Variants in SULT2B1 observed in about 807,000 individuals in gnomAD.
SULT2B1 encodes the protein sulfotransferase family 2B member 1.
Under a neutral mutation model 33.2 loss-of-function variants are expected in SULT2B1, and 16 were observed. That is an observed-to-expected ratio of 0.48 (90% CI 0.33 to 0.73). SULT2B1 has a LOEUF of 0.73. Ranked by LOEUF, SULT2B1 falls within the 30% of genes least tolerant of loss-of-function variation. The pLI, the probability that SULT2B1 is intolerant of heterozygous loss-of-function variation, is 0.02. For synonymous variants in SULT2B1, 186 were observed against 200.5 expected (o/e 0.93, Z 0.61); for missense variants, 500 against 506.0 (o/e 0.99, Z 0.11).
intron 6 of SULT2B1, among the ~76,000 whole-genome samples, 199 bp downstream of exon 6, chr19:48,597,118 A>C (rs1973728609): frequency 6.6e-6 from 1 of 152,134 alleles, no homozygotes. Context: ...AGGCGTCCCC[A>C]TCCAGAGAAC....
chr19:48,568,406 C>T (rs1973272090), intron 1 of SULT2B1, among the ~76,000 whole-genome samples: 1 of 152,020 alleles, frequency 6.6e-6, no homozygotes, highest in Non-Finnish European at 1.5e-5. Flanking sequence ...CAGGGAAGAC[C>T]CAAGCCCTGA....
intron 2 of SULT2B1, among the ~76,000 whole-genome samples, chr19:48,578,868 C>T (rs904436342): frequency 4.6e-5 from 7 of 151,754 alleles, no homozygotes; most frequent in African/African-American, 1.7e-4. Flanking sequence ...AGGGCAAGAC[C>T]CTGTCTCAAA....
At chr19:48,586,830 G>C (rs1041433220) in intron 2 of SULT2B1, among the ~76,000 whole-genome samples, 3 of 152,180 alleles carry the variant, frequency 2.0e-5, no homozygotes, top group Admixed American at 2.0e-4. Context: ...ATGCTGTCAG[G>C]CAGGGCGTGG....
At chr19:48,560,940 C>G (rs182199585) in intron 1 of SULT2B1, among the ~76,000 whole-genome samples, 2,088 of 151,402 alleles carry the variant, frequency 0.014, 20 homozygotes, top group Non-Finnish European at 0.021. Flanking sequence ...CCAGCCTGGG[C>G]AACAAGAGCA....
chr19:48,598,545 C>T (rs1298295850), intron 6 of SULT2B1, among the ~76,000 whole-genome samples: 1 of 152,032 alleles, frequency 6.6e-6, no homozygotes, highest in African/African-American at 2.4e-5. Flanking sequence ...GATCACACCA[C>T]TGCACTCCAG....
At chr19:48,593,736 G>A (rs1171188238) in intron 5 of SULT2B1, among the ~76,000 whole-genome samples, 2 of 150,196 alleles carry the variant, frequency 1.3e-5, no homozygotes, top group African/African-American at 4.9e-5. Context: ...CCACGTTCAA[G>A]CAATTCTCCT....
chr19:48,589,236 TGA>T (rs1294119775), intron 3 of SULT2B1, among the ~76,000 whole-genome samples: 32 of 146,392 alleles, frequency 2.2e-4, no homozygotes, highest in Admixed American at 1.0e-3. Context: ...GATGTGGGTG[TGA>T]GAGAAGGGGA....
At chr19:48,553,385 G>A (rs1973052838) in intron 1 of SULT2B1, among the ~76,000 whole-genome samples, 1 of 152,188 alleles carries the variant, frequency 6.6e-6, no homozygotes, top group Non-Finnish European at 1.5e-5. Flanking sequence ...TCAGCTCACT[G>A]CAGCCTCCGC....
chr19:48,573,367 C>A (rs1393533991), intron 1 of SULT2B1, among the ~76,000 whole-genome samples: 4 of 151,992 alleles, frequency 2.6e-5, no homozygotes, highest in Non-Finnish European at 5.9e-5. Flanking sequence ...CACGCCAGGC[C>A]CTGGACGTGT....
chr19:48,596,984 A>C lies in SULT2B1; in HGVS notation c.826+65A>C, dbSNP rs1206082880. The C allele has an allele frequency of 8.9e-6, 13 of 1,457,082 alleles. No homozygotes were observed. The Middle Eastern group carries it at 9.5e-4, about 106-fold the overall frequency. The allele number at this position is 1,457,082 out of a possible 1,614,324, so 90.3% of individuals were successfully genotyped here. A position where few individuals can be genotyped will look rare whatever the true frequency, so the allele number is the denominator to read the frequency against. On this transcript the variant is annotated intron_variant, in intron 6 of 6. Coordinates refer to ENST00000201586, the MANE Select transcript of SULT2B1 (RefSeq NM_177973.2). ...CCCGGCTGTGTGACCTGGGAGAGTT[A>C]CTTAACCTCTCTGGGCCTCAGTTTC...
chr19:48,587,053 A>G (rs530248602), intron 2 of SULT2B1, among the ~76,000 whole-genome samples, 176 bp from the exon 3 acceptor site: 4 of 152,174 alleles, frequency 2.6e-5, no homozygotes, highest in African/African-American at 9.6e-5. Flanking sequence ...TGGAGGTTGC[A>G]GTGAGCCGAG....
chr19:48,558,292 A>T (rs1973127587), intron 1 of SULT2B1, among the ~76,000 whole-genome samples: 1 of 152,068 alleles, frequency 6.6e-6, no homozygotes, highest in Admixed American at 6.6e-5. Flanking sequence ...CAAGACCCGG[A>T]AGGAGCGAGA....
At chr19:48,579,134 G>A (rs988197005) in intron 2 of SULT2B1, among the ~76,000 whole-genome samples, 1 of 152,038 alleles carries the variant, frequency 6.6e-6, no homozygotes, top group Non-Finnish European at 1.5e-5. Flanking sequence ...TGTAGCATGT[G>A]TCAGAGTCTC....
At chr19:48,556,376 A>G (rs921058722) in intron 1 of SULT2B1, among the ~76,000 whole-genome samples, 6 of 152,174 alleles carry the variant, frequency 3.9e-5, no homozygotes, top group African/African-American at 1.4e-4. Context: ...TGGAGGCTCC[A>G]TTAAGCAACC....
chr19:48,591,814 G>T, intron 4 of SULT2B1, 79 bp downstream of exon 4: 1 of 1,444,510 alleles, frequency 6.9e-7, no homozygotes, highest in Non-Finnish European at 9.2e-7. Flanking sequence ...ACAGAGGAGG[G>T]GTAAGAAAGG....
At chr19:48,597,634 C>T (rs1281410535) in intron 6 of SULT2B1, among the ~76,000 whole-genome samples, 3 of 117,372 alleles carry the variant, frequency 2.6e-5, no homozygotes, top group African/African-American at 9.8e-5. Context: ...TGAGCCACCG[C>T]GCCCGGCCTT....
intron 1 of SULT2B1, among the ~76,000 whole-genome samples, chr19:48,567,571 G>A (rs914345998): frequency 6.6e-6 from 1 of 151,976 alleles, no homozygotes; most frequent in Non-Finnish European, 1.5e-5. Flanking sequence ...AAAGAACACA[G>A]TGTTACCCGT....
intron 1 of SULT2B1, among the ~76,000 whole-genome samples, chr19:48,562,930 T>A (rs1158554678): frequency 6.6e-6 from 1 of 152,166 alleles, no homozygotes; most frequent in Non-Finnish European, 1.5e-5. Context: ...TCCGCCTGCC[T>A]TGGCCTCCCA....
intron 1 of SULT2B1, among the ~76,000 whole-genome samples, chr19:48,561,204 C>T (rs184762441): frequency 2.0e-5 from 3 of 151,240 alleles, no homozygotes; most frequent in Admixed American, 6.6e-5. Context: ...CCGAGACAGG[C>T]GGATCACCTG....
Sources: gnomAD v4.1 joint callset for allele counts (sites outside exome capture counted in the v4.1 genomes callset) on GRCh38, gnomAD v4.1.1 for gene constraint, MANE v1.5 for transcripts, NCBI Gene and HGNC (gene_info 2026-07-23, HGNC 2026-07-21) for gene names.